The following TTC28 variants were observed in gnomAD, a reference collection of about 807,000 sequenced individuals.
The protein encoded by TTC28 is tetratricopeptide repeat domain 28, also known as tetratricopeptide repeat protein 28.
TTC28 carries 61 observed loss-of-function variants against 198.0 expected under a neutral mutation model. That is an observed-to-expected ratio of 0.31 (90% CI 0.25 to 0.38). The LOEUF is 0.38. TTC28 is among the 10% of genes least tolerant of loss of function. TTC28 has a pLI of 1.00. For missense variants in TTC28, 2,678 were observed against 3,164.0 expected (o/e 0.85, Z 3.69); for synonymous variants, 1,171 against 1,297.8 (o/e 0.90, Z 2.10).
At position 27,993,466 on chromosome 22, in the gene TTC28, G is replaced by C; in HGVS notation, c.5297C>G (p.Thr1766Arg). 6.4e-7 allele frequency: 1 copy of C among 1,551,626 alleles called. No homozygotes were observed. Among genetic ancestry groups the C allele is most frequent in the Non-Finnish European group, 8.7e-7 (1 of 1,146,978 alleles). ...TTTGTTCTCCACACTCTGCTGGGAT[G>C]TGTACATGGCATTGCGCTGCCCATT... ...IQNGQRNAMY[T>R]SQQSVENKVG... Residue 1766 changes from threonine to arginine, a missense_variant, in exon 18 of 23, where the codon ACA becomes AGA. Around this residue, in one of 8 missense-constraint regions of TTC28, gnomAD observed 314 missense variants for 442.7 expected, o/e 0.71. Coordinates refer to ENST00000397906, the MANE Select transcript of TTC28 (RefSeq NM_001145418.2).
intron 2 of TTC28, among the ~76,000 whole-genome samples, chr22:28,413,064 T>C (rs772612497): frequency 2.0e-5 from 3 of 152,196 alleles, no homozygotes; most frequent in Admixed American, 1.3e-4. Context: ...ATCTAATGCC[T>C]AGGAGCACAT....
At chr22:28,447,755 G>A (rs779953047) in intron 2 of TTC28, among the ~76,000 whole-genome samples, 8 of 152,216 alleles carry the variant, frequency 5.3e-5, no homozygotes, top group Non-Finnish European at 1.2e-4. Flanking sequence ...TTATGTTTCT[G>A]TAGAAATAAT....
chr22:28,579,958 C>T (rs1226841146), intron 2 of TTC28, among the ~76,000 whole-genome samples: 5 of 151,550 alleles, frequency 3.3e-5, no homozygotes, highest in South Asian at 2.1e-4. Context: ...TGACAAAGTG[C>T]GACCCTGTCT....
chr22:28,619,212 C>T (rs1011221365), intron 2 of TTC28, among the ~76,000 whole-genome samples: 4 of 152,082 alleles, frequency 2.6e-5, no homozygotes, highest in African/African-American at 9.7e-5. Flanking sequence ...CATTAATAAC[C>T]ATGATGTATT....
At chr22:28,518,391 G>A (rs1022643378) in intron 2 of TTC28, among the ~76,000 whole-genome samples, 2 of 152,168 alleles carry the variant, frequency 1.3e-5, no homozygotes, top group African/African-American at 4.8e-5. Flanking sequence ...CCAGACACGA[G>A]GATTGCTTGA....
chr22:28,145,753 G>A (rs1232616684), intron 6 of TTC28, among the ~76,000 whole-genome samples: 1 of 152,106 alleles, frequency 6.6e-6, no homozygotes, highest in Non-Finnish European at 1.5e-5. Context: ...ACTTGGTTTT[G>A]TGTGAACAAA....
chr22:28,388,131 G>A (rs1190009141), intron 2 of TTC28, among the ~76,000 whole-genome samples: 1 of 152,058 alleles, frequency 6.6e-6, no homozygotes, highest in Admixed American at 6.6e-5. Flanking sequence ...TTTTTCTCAG[G>A]TTTGTCAAAG....
At position 27,989,996 on chromosome 22, in the gene TTC28, C is replaced by T. The variant is rs1326727699; in HGVS notation, c.5589G>A (p.Val1863=). ...VKNMVGMLHQ[V]LVQLQAGEKE... is the part of the protein sequence containing the mutation. ...TCTCGCCAGCCTGGAGCTGAACCAG[C>T]ACCTGGTGGAGCTGAGGAAGGGGGG... Residue 1863 remains valine, a synonymous_variant, in exon 21 of 23, where the codon GTG becomes GTA. Transcript: ENST00000397906. The T allele has an allele frequency of 1.3e-6, 2 of 1,550,662 alleles. No individual in the cohort carries two copies. Among genetic ancestry groups the T allele is most frequent in the African/African-American group, 1.4e-5 (1 of 73,058 alleles).
chr22:28,232,630 TTAAA>T (rs1928899097), intron 5 of TTC28: 1 of 152,166 alleles, frequency 6.6e-6, no homozygotes, highest in African/African-American at 2.4e-5. Context: ...CTCAATGTAA[TTAAA>T]TAATCAGTTG....
intron 1 of TTC28, among the ~76,000 whole-genome samples, chr22:28,630,034 T>C (rs1018390237): frequency 1.8e-4 from 28 of 152,066 alleles, no homozygotes; most frequent in African/African-American, 5.8e-4. Context: ...GGTGAGGGAA[T>C]TCTTACTCTA....
rs1043001110 is a variant in TTC28 at position 28,184,498 on chromosome 22, A to G, written c.934-20899T>C. On this transcript the variant is annotated intron_variant, in intron 5 of 22. Transcript: ENST00000397906. ...CAAAGAAAGGAGTCATTATGCCCAG[A>G]TCTTAAAACAGAACATAATATGTTC... Among the ~76,000 whole-genome samples the G allele has an allele frequency of 3.9e-5, 6 of 152,306 alleles. No homozygotes were observed. In the East Asian group the frequency reaches 1.2e-3, roughly 29 times the overall value.
At chr22:28,675,023 G>A (rs2051960395) in intron 1 of TTC28, among the ~76,000 whole-genome samples, 2 of 151,954 alleles carry the variant, frequency 1.3e-5, no homozygotes. Context: ...GTGTAGTACT[G>A]GCATAAAGAC....
chr22:28,509,456 A>C (rs1024791167), intron 2 of TTC28, among the ~76,000 whole-genome samples: 1 of 152,200 alleles, frequency 6.6e-6, no homozygotes, highest in Non-Finnish European at 1.5e-5. Context: ...GAAACTAAGA[A>C]AGAAATCAAG....
chr22:28,310,436 TAAATAAGTGAAACAGTAAACAATTCA>T (rs2045236362), intron 2 of TTC28, among the ~76,000 whole-genome samples: 1 of 152,196 alleles, frequency 6.6e-6, no homozygotes, highest in Non-Finnish European at 1.5e-5. Flanking sequence ...ACTGAAAGGC[TAAATAAGTGAAACAGTAAACAATTCA>T]CTCTGCAAGT....
At chr22:28,386,918 G>A (rs1345898760) in intron 2 of TTC28, among the ~76,000 whole-genome samples, 1 of 151,814 alleles carries the variant, frequency 6.6e-6, no homozygotes, top group African/African-American at 2.4e-5. Flanking sequence ...ATGCATACAT[G>A]TGCCATGCTG....
At chr22:28,390,763 A>C (rs2046704704) in intron 2 of TTC28, among the ~76,000 whole-genome samples, 1 of 152,070 alleles carries the variant, frequency 6.6e-6, no homozygotes, top group Admixed American at 6.6e-5. Flanking sequence ...GGTTTCCTGA[A>C]TACGGCACAC....
chr22:28,574,760 A>G (rs761064738), intron 2 of TTC28, among the ~76,000 whole-genome samples: 7 of 151,974 alleles, frequency 4.6e-5, no homozygotes, highest in Non-Finnish European at 8.8e-5. Context: ...TTTGATTTGC[A>G]TTTTTCTGAT....
intron 12 of TTC28, among the ~76,000 whole-genome samples, chr22:28,090,242 CCT>C (rs1941772293): frequency 6.6e-6 from 1 of 151,742 alleles, no homozygotes. Flanking sequence ...TAAAATATAG[CCT>C]AGTCTCCTTC....
chr22:28,051,638 G>GTT (rs1347670681), intron 12 of TTC28, among the ~76,000 whole-genome samples: 7 of 152,144 alleles, frequency 4.6e-5, no homozygotes, highest in Non-Finnish European at 5.9e-5. Flanking sequence ...CCAGTAGGGG[G>GTT]TTTAACAGCC....
Sources: gnomAD v4.1 joint callset for allele counts (sites outside exome capture counted in the v4.1 genomes callset) on GRCh38, gnomAD v4.1.1 for gene constraint, gnomAD v4.1.1 regional missense constraint, MANE v1.5 for transcripts, NCBI Gene and HGNC (gene_info 2026-07-23, HGNC 2026-07-21) for gene names.